Variants in REV3L observed in about 807,000 individuals in gnomAD.
REV3L encodes DNA polymerase zeta catalytic subunit.
In REV3L, 69 loss-of-function variants were observed where a neutral mutation model predicts 299.4. The observed-to-expected ratio is 0.23, with a 90% CI of 0.19 to 0.28. The LOEUF is 0.28. Among genes scored for constraint, REV3L ranks in the 10% least tolerant of loss-of-function variants. The pLI is 1.00. For synonymous variants in REV3L, 1,238 were observed against 1,271.4 expected, an observed-to-expected ratio of 0.97 and a Z score of 0.56; for missense variants, 3,128 against 3,693.8, an observed-to-expected ratio of 0.85 and a Z score of 3.97.
chr6:111,450,800 A>G (rs967556104), intron 1 of REV3L, among the ~76,000 whole-genome samples: 23 of 152,222 alleles, frequency 1.5e-4, no homozygotes, highest in African/African-American at 5.5e-4. Context: ...GGGTTTCAGA[A>G]GAGAAAGCTG....
chr6:111,376,063 A>G lies in REV3L; in HGVS notation c.2292T>C (p.Ala764=). The G allele has an allele frequency of 6.2e-7, 1 of 1,613,970 alleles. No individual in the cohort carries two copies. The highest frequency in any genetic ancestry group is 8.5e-7 in the Non-Finnish European group (1 of 1,179,918). ...TAAGTTTATTTAGTCCACTTTCATC[A>G]GCAGTGCTATTAAGAGAATGCACCA... The part of the protein sequence containing the change: ...RTMVHSLNST[A]DESGLNKLKI... Residue 764 remains alanine (A), a synonymous_variant, in exon 13 of 32, where the codon GCT becomes GCC. Transcript: ENST00000368802.
At chr6:111,431,258 T>A (rs1342509030) in intron 1 of REV3L, 6 of 1,502,662 alleles carry the variant, frequency 4.0e-6, no homozygotes, top group Non-Finnish European at 5.5e-6. Context: ...CTACAAGAGA[T>A]TTAGATGTCA....
At chr6:111,326,151 A>G (rs1774776753) in intron 25 of REV3L, among the ~76,000 whole-genome samples, 1 of 152,184 alleles carries the variant, frequency 6.6e-6, no homozygotes, top group South Asian at 2.1e-4. Context: ...ATAAAGCTAA[A>G]AAGCTTCTGC....
chr6:111,334,413 T>A (rs1057083202), intron 22 of REV3L, among the ~76,000 whole-genome samples: 1 of 152,100 alleles, frequency 6.6e-6, no homozygotes, highest in African/African-American at 2.4e-5. Context: ...TCCCAGTTTT[T>A]CAAAGAAAGA....
chr6:111,361,811 C>T (rs1195480282), intron 16 of REV3L, among the ~76,000 whole-genome samples: 1 of 152,054 alleles, frequency 6.6e-6, no homozygotes, highest in Non-Finnish European at 1.5e-5. Context: ...AGGAAGAGAA[C>T]AGTATTTTTT....
chr6:111,368,003 C>T lies in REV3L; in HGVS notation c.5785G>A (p.Val1929Ile). 6.2e-7 allele frequency: 1 copy of T among 1,608,738 alleles called. No individual in the cohort carries two copies. The highest frequency in any genetic ancestry group is 1.7e-5 in the Admixed American group (1 of 59,038). Residue 1929 changes from valine (V) to isoleucine (I), a missense_variant, in exon 14 of 32, where the codon GTA (valine) becomes ATA (isoleucine). Coordinates refer to ENST00000368802, the MANE Select transcript of REV3L (RefSeq NM_001372078.1). ...AGATCATTTGCAAGTCGAGTTTCTA[C>T]CATGAGGAGCCGTCCACCAATCTCC... ...PREIGGRLLM[V>I]ETRLANDLAE... is the part of the protein sequence containing the mutation.
At chr6:111,409,329 T>C (rs996930517) in intron 3 of REV3L, among the ~76,000 whole-genome samples, 1 of 151,660 alleles carries the variant, frequency 6.6e-6, no homozygotes, top group Non-Finnish European at 1.5e-5. Flanking sequence ...ATTTTTACCA[T>C]GTCCTAATGG....
intron 10 of REV3L, among the ~76,000 whole-genome samples, chr6:111,381,064 T>C: frequency 6.6e-6 from 1 of 152,240 alleles, no homozygotes; most frequent in East Asian, 1.9e-4. Flanking sequence ...ATAAATGCAT[T>C]TTCCTTCTTA....
intron 11 of REV3L, among the ~76,000 whole-genome samples, chr6:111,379,526 C>T (rs559003823): frequency 6.6e-6 from 1 of 152,298 alleles, no homozygotes; most frequent in African/African-American, 2.4e-5. Context: ...ACCACAACAC[C>T]AGTGTTTGCT....
At chr6:111,381,150 GA>G (rs1317711325) in intron 10 of REV3L, among the ~76,000 whole-genome samples, 174 bp downstream of exon 10, 1 of 151,722 alleles carries the variant, frequency 6.6e-6, no homozygotes. Flanking sequence ...AAGCTGTATA[GA>G]AAAAAAGCAA....
At chr6:111,333,063 T>C (rs1317594130) in intron 23 of REV3L, 60 bp downstream of exon 23, 1 of 1,583,188 alleles carries the variant, frequency 6.3e-7, no homozygotes, top group Non-Finnish European at 8.6e-7. Context: ...AGAAAGTGTC[T>C]AATTTTAGTA....
At chr6:111,335,326 G>C in intron 22 of REV3L, 143 bp downstream of exon 22, 1 of 949,538 alleles carries the variant, frequency 1.1e-6, no homozygotes, top group Non-Finnish European at 1.5e-6. Context: ...CATAGAAAGA[G>C]AATAAAATGA....
intron 4 of REV3L, among the ~76,000 whole-genome samples, chr6:111,404,752 T>C (rs1405168114): frequency 6.6e-6 from 1 of 152,376 alleles, no homozygotes; most frequent in East Asian, 1.9e-4. Flanking sequence ...TTCTGTTTTG[T>C]TCATAATATC....
intron 14 of REV3L, among the ~76,000 whole-genome samples, chr6:111,365,592 G>C (rs1170540635): frequency 6.6e-6 from 1 of 152,056 alleles, no homozygotes; most frequent in East Asian, 1.9e-4. Flanking sequence ...CATTAACCTA[G>C]AGAACTGTTT....
At chr6:111,365,114 AT>A in intron 15 of REV3L, 150 bp downstream of exon 15, 3 of 503,934 alleles carry the variant, frequency 6.0e-6, no homozygotes, top group Non-Finnish European at 1.0e-5. Flanking sequence ...AAAAAGGCAA[AT>A]TTTTGTTGTC....
At chr6:111,305,787 A>T (rs574056) in intron 31 of REV3L, among the ~76,000 whole-genome samples, 6,745 of 151,994 alleles carry the variant, frequency 0.044, 212 homozygotes, top group Middle Eastern at 0.071. Context: ...TCCTGCTCTC[A>T]TTTAGGCGTC....
chr6:111,397,409 TAC>T (rs566203853), intron 4 of REV3L, among the ~76,000 whole-genome samples: 36 of 152,310 alleles, frequency 2.4e-4, no homozygotes, highest in African/African-American at 8.4e-4. Context: ...CATGTATTGG[TAC>T]AGTTTCCAAA....
At chr6:111,431,564 C>T in intron 1 of REV3L, 1 of 788,010 alleles carries the variant, frequency 1.3e-6, no homozygotes, top group Non-Finnish European at 2.2e-6. Context: ...TTGGGTCCCT[C>T]ATACAGAGAA....
rs570525223 is a variant in REV3L, at chr6:111,382,477, C to A, written c.1097-1033G>T. Among the ~76,000 whole-genome samples, 21 of 152,274 alleles carry A rather than the reference C, an allele frequency of 1.4e-4. No homozygotes were observed. The East Asian group carries it at 3.9e-3, about 28-fold the overall frequency. ...GCTACCCTGTCACAGTGGAAAGCAA[C>A]GTCCCTGTCACAGTGGAGAGCGACA... On this transcript the variant is annotated intron_variant, in intron 9 of 31. Transcript: ENST00000368802.
Sources: gnomAD v4.1 joint callset for allele counts (sites outside exome capture counted in the v4.1 genomes callset) on GRCh38, gnomAD v4.1.1 for gene constraint, MANE v1.5 for transcripts, NCBI Gene and HGNC (gene_info 2026-07-23, HGNC 2026-07-21) for gene names.